The following LCLAT1 variants were observed in gnomAD, a reference collection of about 807,000 sequenced individuals.
LCLAT1 encodes the protein 1-AGP acyltransferase 8.
In LCLAT1, 11 loss-of-function variants were observed where a neutral mutation model predicts 30.7. The ratio of observed to expected loss-of-function variants is 0.36; its 90% CI spans 0.23 to 0.59. The LOEUF is 0.59. Ranked by LOEUF, LCLAT1 falls within the 20% of genes least tolerant of loss-of-function variation. The pLI is 0.77. For synonymous variants in LCLAT1, 155 were observed against 151.3 expected (o/e 1.02, Z -0.18); for missense variants, 402 against 458.6 (o/e 0.88, Z 1.13).
At chr2:30,450,407 C>A (rs1223219204) in intron 1 of LCLAT1, among the ~76,000 whole-genome samples, 3 of 144,234 alleles carry the variant, frequency 2.1e-5, no homozygotes, top group East Asian at 2.2e-4. Context: ...GAACTCTTAG[C>A]TAAGAGAGTG....
intron 5 of LCLAT1, among the ~76,000 whole-genome samples, chr2:30,610,878 A>G (rs751904646): frequency 1.3e-5 from 2 of 152,050 alleles, no homozygotes; most frequent in Non-Finnish European, 2.9e-5. Context: ...TTTTTAAAAA[A>G]TTTCTTGGAC....
chr2:30,614,073 T>C (rs557747799), intron 5 of LCLAT1, among the ~76,000 whole-genome samples: 1 of 10,384 alleles, frequency 9.6e-5, no homozygotes, highest in African/African-American at 4.6e-4. Context: ...CGAGGCCATA[T>C]TTCAGACTAT....
At chr2:30,561,158 G>C (rs1252541026) in intron 3 of LCLAT1, among the ~76,000 whole-genome samples, 1 of 152,248 alleles carries the variant, frequency 6.6e-6, no homozygotes, top group East Asian at 1.9e-4. Context: ...GGCCAGGCTG[G>C]TCTCGAACTC....
chr2:30,476,263 G>T, intron 1 of LCLAT1: 1 of 392,942 alleles, frequency 2.5e-6, no homozygotes, highest in South Asian at 1.8e-5. Context: ...TATTTGTGTA[G>T]ATATTGGGAC....
chr2:30,546,537 A>AT (rs1664421214), intron 3 of LCLAT1, among the ~76,000 whole-genome samples: 1 of 152,156 alleles, frequency 6.6e-6, no homozygotes, highest in Non-Finnish European at 1.5e-5. Context: ...ATGTGGTCAG[A>AT]TTTTCAGTTT....
intron 5 of LCLAT1, among the ~76,000 whole-genome samples, chr2:30,580,495 T>A (rs1352140016): frequency 1.3e-5 from 2 of 152,066 alleles, no homozygotes; most frequent in African/African-American, 2.4e-5. Flanking sequence ...CAAATGTAAG[T>A]GAAGAGTGAT....
chr2:30,615,345 T>C (rs1667946589), intron 5 of LCLAT1, among the ~76,000 whole-genome samples: 1 of 152,014 alleles, frequency 6.6e-6, no homozygotes, highest in Non-Finnish European at 1.5e-5. Context: ...GGAGAGTATA[T>C]AGGGTGGTAC....
At chr2:30,580,297 G>A (rs1239637266) in intron 5 of LCLAT1, among the ~76,000 whole-genome samples, 1 of 152,146 alleles carries the variant, frequency 6.6e-6, no homozygotes, top group African/African-American at 2.4e-5. Flanking sequence ...TGGCCTATTT[G>A]TAAGGTTGGA....
At position 30,640,817 on chromosome 2, in the gene LCLAT1, CTG is replaced by C. The variant is rs1244399742; in HGVS notation, c.*202_*203del. 1 of 607,460 alleles carries C rather than the reference CTG, an allele frequency of 1.6e-6. No homozygotes were observed. The highest frequency in any genetic ancestry group is 2.8e-6 in the Non-Finnish European group (1 of 360,288). 37.6% of individuals were successfully genotyped at this position (607,460 alleles called of 1,614,324 possible). ...TTAATCTCTGAATGTAATTTCGATA[CTG>C]TGTACATAGCAGGGAGTGATCGGGG... is the stretch of plus-strand genomic sequence containing the variant. On this transcript the variant is annotated 3_prime_UTR_variant, in exon 6 of 6. Coordinates refer to ENST00000379509, the MANE Select transcript of LCLAT1 (RefSeq NM_001002257.3).
rs140785521 is a variant in LCLAT1 at position 30,453,176 on chromosome 2, C to T, written c.-5+5793C>T. On this transcript the variant is annotated intron_variant, in intron 1 of 5. Coordinates refer to ENST00000379509, the MANE Select transcript of LCLAT1 (RefSeq NM_001002257.3). ...CATTCCCTCGGGAGAACTCATGGAG[C>T]GGGGGATAGCATGTTGTTGAGCTGG... Among the ~76,000 whole-genome samples the T allele has an allele frequency of 2.8e-4, 42 of 152,110 alleles. No individual in the cohort carries two copies. In the East Asian group the frequency reaches 7.7e-3, roughly 28 times the overall value.
chr2:30,459,708 C>T, intron 1 of LCLAT1: 2 of 1,612,844 alleles, frequency 1.2e-6, no homozygotes, highest in African/African-American at 1.3e-5. Flanking sequence ...TAAAGCAGGA[C>T]TCTAAAAGCT....
At chr2:30,588,664 G>C (rs147821077) in intron 5 of LCLAT1, among the ~76,000 whole-genome samples, 1 of 152,014 alleles carries the variant, frequency 6.6e-6, no homozygotes, top group Non-Finnish European at 1.5e-5. Context: ...CTGATGGCAC[G>C]ATCTCAGCTC....
intron 1 of LCLAT1, among the ~76,000 whole-genome samples, chr2:30,522,403 A>G (rs572981181): frequency 7.2e-5 from 11 of 152,104 alleles, no homozygotes; most frequent in Middle Eastern, 3.2e-3. Context: ...GCTATTCCAA[A>G]TAAGTGTATA....
At chr2:30,595,756 A>AGCAT (rs574944540) in intron 5 of LCLAT1, among the ~76,000 whole-genome samples, 62 of 152,244 alleles carry the variant, frequency 4.1e-4, no homozygotes, top group East Asian at 2.9e-3. Context: ...TATTAAGCCC[A>AGCAT]GCATGCATTA....
At chr2:30,504,285 C>T (rs1313641781) in intron 1 of LCLAT1, among the ~76,000 whole-genome samples, 1 of 143,302 alleles carries the variant, frequency 7.0e-6, no homozygotes, top group Non-Finnish European at 1.5e-5. Flanking sequence ...AGTAAACCTG[C>T]TTTCTGACTT....
At chr2:30,478,493 C>T (rs184215889) in intron 1 of LCLAT1, among the ~76,000 whole-genome samples, 1 of 152,186 alleles carries the variant, frequency 6.6e-6, no homozygotes, top group Non-Finnish European at 1.5e-5. Flanking sequence ...AGGTAAATCT[C>T]TATAGAATAG....
intron 5 of LCLAT1, among the ~76,000 whole-genome samples, chr2:30,569,549 T>G (rs1422259358): frequency 6.6e-6 from 1 of 152,204 alleles, no homozygotes; most frequent in Non-Finnish European, 1.5e-5. Context: ...ACTGATATAT[T>G]TTCATAAAAC....
At chr2:30,610,853 G>A (rs72863005) in intron 5 of LCLAT1, among the ~76,000 whole-genome samples, 5,260 of 151,918 alleles carry the variant, frequency 0.035, 313 homozygotes, top group African/African-American at 0.12. Context: ...GGGTCTCCAC[G>A]GACATGAATA....
chr2:30,584,155 C>G (rs1369395974), intron 5 of LCLAT1, among the ~76,000 whole-genome samples: 1 of 152,118 alleles, frequency 6.6e-6, no homozygotes, highest in Non-Finnish European at 1.5e-5. Flanking sequence ...TGGCCATCTT[C>G]TTGGATCCCG....
Sources: gnomAD v4.1 joint callset for allele counts (sites outside exome capture counted in the v4.1 genomes callset) on GRCh38, gnomAD v4.1.1 for gene constraint, MANE v1.5 for transcripts, NCBI Gene and HGNC (gene_info 2026-07-23, HGNC 2026-07-21) for gene names.